Variants in TRAK1 observed in about 807,000 individuals in gnomAD.
The protein encoded by TRAK1 is trafficking kinesin-binding protein 1.
In TRAK1, 33 loss-of-function variants were observed where a neutral mutation model predicts 92.1. That is an observed-to-expected ratio of 0.36 (90% CI 0.27 to 0.48). The LOEUF is 0.48. Among genes scored for constraint, TRAK1 ranks in the 20% least tolerant of loss-of-function variants. The pLI, the probability that TRAK1 is intolerant of heterozygous loss-of-function variation, is 0.99. For missense variants in TRAK1, 1,123 were observed against 1,257.9 expected (o/e 0.89, Z 1.62); for synonymous variants, 521 against 517.3 (o/e 1.01, Z -0.10).
intron 1 of TRAK1, among the ~76,000 whole-genome samples, chr3:42,032,137 G>A (rs1304591046): frequency 6.6e-6 from 1 of 152,184 alleles, no homozygotes; most frequent in Admixed American, 6.5e-5. Context: ...GCTTCAAGTG[G>A]GTAAGTGGCT....
At chr3:42,138,876 G>GTGTGTGTGTGT (rs1553730371) in intron 2 of TRAK1, among the ~76,000 whole-genome samples, 1,377 of 118,804 alleles carry the variant, frequency 0.012, 90 homozygotes, top group South Asian at 0.022. Flanking sequence ...AAGCATAGGG[G>GTGTGTGTGTGT]GTGTGTGTGT....
At chr3:42,219,401 A>G (rs2149541683) in intron 14 of TRAK1, 93 bp from the exon 15 acceptor site, 3 of 1,603,094 alleles carry the variant, frequency 1.9e-6, no homozygotes, top group East Asian at 4.5e-5. Flanking sequence ...GTAGCTCATC[A>G]CTTCTTGCAT....
At chr3:42,168,181 T>C (rs1702101493) in intron 2 of TRAK1, among the ~76,000 whole-genome samples, 1 of 152,214 alleles carries the variant, frequency 6.6e-6, no homozygotes, top group Non-Finnish European at 1.5e-5. Context: ...CTAGTCTAAG[T>C]GGGGCAGATT....
chr3:42,109,021 A>G (rs570607072), intron 1 of TRAK1, among the ~76,000 whole-genome samples: 9 of 152,268 alleles, frequency 5.9e-5, no homozygotes, highest in Non-Finnish European at 8.8e-5. Flanking sequence ...GGCAGGCGTG[A>G]GTGGTGGTTA....
chr3:42,202,992 C>A lies in TRAK1; in HGVS notation c.1744+240C>A, dbSNP rs1424954035. On this transcript the variant is annotated intron_variant, in intron 13 of 15. Coordinates refer to ENST00000327628, the MANE Select transcript of TRAK1 (RefSeq NM_001042646.3). The surrounding 1 kb of genome is among the most constrained non-coding windows in gnomAD (Gnocchi z 6.1). ...GGCCATGAAACTCGCCGAGGAAAGA[C>A]AAGCATGTGCACTGTGGTCTTCTAG... 2 of 1,337,546 alleles carry A rather than the reference C, an allele frequency of 1.5e-6. No individual in the cohort carries two copies. The highest frequency in any genetic ancestry group is 2.7e-5 in the East Asian group (1 of 36,580). The allele number at this position is 1,337,546 out of a possible 1,614,324, so 82.9% of individuals were successfully genotyped here.
In TRAK1 at chr3:42,072,719, G is replaced by A. The variant is rs147143155; in HGVS notation, c.-518-14385G>A. On this transcript the variant is annotated intron_variant, in intron 1 of 16. Coordinates refer to the TRAK1 transcript ENST00000487159. ...AGTTTTCATTCATGAGATGTGGATCGATTAAATGGATTTCTCTTTACTTCA... is the reference window on the plus strand; with the variant it reads ...AGTTTTCATTCATGAGATGTGGATCAATTAAATGGATTTCTCTTTACTTCA... Among the ~76,000 whole-genome samples, 90 of 152,238 alleles carry A rather than the reference G, an allele frequency of 5.9e-4. 1 individual carries two copies. The highest frequency in any genetic ancestry group is 1.1e-3 in the Admixed American group (17 of 15,286).
intron 1 of TRAK1, among the ~76,000 whole-genome samples, chr3:42,054,742 A>C (rs758628810): frequency 3.3e-5 from 5 of 152,084 alleles, no homozygotes; most frequent in Non-Finnish European, 5.9e-5. Flanking sequence ...TTATTCCCTG[A>C]AGCAAACATA....
intron 1 of TRAK1, 90 bp downstream of exon 1, chr3:42,091,650 C>A: frequency 7.6e-7 from 1 of 1,311,660 alleles, no homozygotes; most frequent in Non-Finnish European, 1.1e-6. Flanking sequence ...CTGTCTCTCT[C>A]TTGCTCCGTG....
intron 1 of TRAK1, among the ~76,000 whole-genome samples, chr3:42,017,771 G>A (rs1701579385): frequency 6.6e-6 from 1 of 152,146 alleles, no homozygotes; most frequent in Non-Finnish European, 1.5e-5. Flanking sequence ...GTGCACCTGA[G>A]GTGAAACAGG....
Position 42,203,294 on chromosome 3 carries a change from G to A in TRAK1, c.1744+542G>A, listed in dbSNP as rs551364911. The A allele has an allele frequency of 2.4e-5, 24 of 996,496 alleles. No homozygotes were observed. In the South Asian group the frequency reaches 1.1e-3, roughly 45 times the overall value. The allele number at this position is 996,496 out of a possible 1,614,324, so 61.7% of individuals were successfully genotyped here. ...AGCAAGGTTGTGGCTTTTGGCAGAT[G>A]CAGTATGTTCTGAGCGCGGCTCCTA... is the stretch of plus-strand genomic sequence containing the variant. On this transcript the variant is annotated intron_variant, in intron 13 of 15. Coordinates refer to ENST00000327628, the MANE Select transcript of TRAK1 (RefSeq NM_001042646.3).
At chr3:42,107,412 T>C (rs1286173055) in intron 1 of TRAK1, among the ~76,000 whole-genome samples, 1 of 151,360 alleles carries the variant, frequency 6.6e-6, no homozygotes, top group African/African-American at 2.4e-5. Context: ...CTTGGGAGGC[T>C]GAGGCAGGGG....
chr3:42,182,318 T>C (rs1340021668), intron 3 of TRAK1, among the ~76,000 whole-genome samples: 1 of 151,624 alleles, frequency 6.6e-6, no homozygotes, highest in Non-Finnish European at 1.5e-5. Context: ...TTTTTTTCTT[T>C]TTTTGAGACA....
At chr3:42,067,566 TC>T (rs1377936979) in intron 1 of TRAK1, among the ~76,000 whole-genome samples, 3 of 152,114 alleles carry the variant, frequency 2.0e-5, no homozygotes, top group African/African-American at 7.2e-5. Context: ...AACAAAAACT[TC>T]CAGTTCCCCT....
chr3:42,129,449 G>T (rs549718126), intron 2 of TRAK1, among the ~76,000 whole-genome samples: 1 of 152,056 alleles, frequency 6.6e-6, no homozygotes, highest in African/African-American at 2.4e-5. Context: ...GGAGAAACGC[G>T]GCTTTACCTT....
chr3:42,073,529 T>C (rs562264713), intron 1 of TRAK1, among the ~76,000 whole-genome samples: 1 of 152,346 alleles, frequency 6.6e-6, no homozygotes, highest in African/African-American at 2.4e-5. Context: ...GGGATGATTC[T>C]ACGAAGCTCT....
chr3:42,026,381 G>A (rs1249764319), intron 1 of TRAK1, among the ~76,000 whole-genome samples: 1 of 152,128 alleles, frequency 6.6e-6, no homozygotes, highest in South Asian at 2.1e-4. Flanking sequence ...TTTTTGTACA[G>A]GATCGCTTTT....
chr3:42,170,472 G>A (rs1702402171), intron 2 of TRAK1, among the ~76,000 whole-genome samples: 1 of 152,174 alleles, frequency 6.6e-6, no homozygotes, highest in African/African-American at 2.4e-5. Flanking sequence ...GACAGCTGCT[G>A]CTGCTATCAA....
At chr3:42,166,037 C>T (rs1451683809) in intron 2 of TRAK1, among the ~76,000 whole-genome samples, 1 of 152,094 alleles carries the variant, frequency 6.6e-6, no homozygotes, top group African/African-American at 2.4e-5. Context: ...AGCTGCCTAG[C>T]AGTGTCTCTT....
At chr3:42,191,284 A>G (rs1407067398) in intron 6 of TRAK1, among the ~76,000 whole-genome samples, 1 of 152,158 alleles carries the variant, frequency 6.6e-6, no homozygotes, top group Non-Finnish European at 1.5e-5. Context: ...GGTGTTTTTA[A>G]CAGAGCAAGC....
Sources: gnomAD v4.1 joint callset for allele counts (sites outside exome capture counted in the v4.1 genomes callset) on GRCh38, gnomAD v4.1.1 for gene constraint, Gnocchi (gnomAD v3.1) non-coding constraint, MANE v1.5 for transcripts, NCBI Gene and HGNC (gene_info 2026-07-23, HGNC 2026-07-21) for gene names.